The following PRDM10 variants were observed in gnomAD, a reference collection of about 807,000 sequenced individuals.
PRDM10 encodes the protein PR/SET domain 10.
A neutral mutation model predicts 133.1 loss-of-function variants in PRDM10; 65 were observed. The observed-to-expected ratio is 0.49, with a 90% CI of 0.40 to 0.60. The LOEUF (loss-of-function observed/expected upper bound fraction) is 0.60, where lower values mean the gene tolerates loss of function less well. Ranked by LOEUF, PRDM10 falls within the 20% of genes least tolerant of loss-of-function variation. The pLI is 0.00. For missense variants in PRDM10, 1,137 were observed against 1,507.1 expected (o/e 0.75, Z 4.07); for synonymous variants, 582 against 580.4 (o/e 1.00, Z -0.04).
At chr11:129,911,438 G>C (rs1267829013) in intron 18 of PRDM10, among the ~76,000 whole-genome samples, 1 of 152,192 alleles carries the variant, frequency 6.6e-6, no homozygotes, top group East Asian at 1.9e-4. Context: ...TGAGGCCAGC[G>C]CTCTCCAGCC....
intron 1 of PRDM10, among the ~76,000 whole-genome samples, chr11:129,963,153 A>T (rs1951828796): frequency 6.6e-6 from 1 of 152,054 alleles, no homozygotes; most frequent in South Asian, 2.1e-4. Context: ...TATCTCAAAA[A>T]AAAAAAAAAT....
chr11:129,944,223 T>G (rs899625868), intron 6 of PRDM10, among the ~76,000 whole-genome samples: 3 of 152,144 alleles, frequency 2.0e-5, no homozygotes, highest in African/African-American at 7.2e-5. Context: ...CCTCCCAGTC[T>G]GTGGTATTTT....
At position 129,963,174 on chromosome 11, in the gene PRDM10, A is replaced by C. The variant is rs529124131; in HGVS notation, c.-118-2092T>G. Among the ~76,000 whole-genome samples the C allele has an allele frequency of 1.4e-4, 22 of 152,022 alleles. No individual in the cohort carries two copies. In the South Asian group the frequency reaches 4.6e-3, roughly 32 times the overall value. ...AAAAAAAAAAAAAATGAAAGGAATA[A>C]ATGTCACCAATCATCTAAAGATCTG... is the stretch of plus-strand genomic sequence containing the variant. On this transcript the variant is annotated intron_variant, in intron 1 of 20. Coordinates refer to ENST00000360871, the MANE Select transcript of PRDM10 (RefSeq NM_199437.2).
chr11:129,942,705 G>A (rs550187386), intron 6 of PRDM10, 76 bp from the exon 7 acceptor site: 20 of 1,259,864 alleles, frequency 1.6e-5, no homozygotes, highest in South Asian at 2.7e-5. Context: ...GTCACAATAC[G>A]CAAAATATTG....
chr11:130,001,325 T>TGGAGGATGTG (rs1229243832), intron 1 of PRDM10, among the ~76,000 whole-genome samples: 5 of 152,184 alleles, frequency 3.3e-5, no homozygotes, highest in Non-Finnish European at 7.3e-5. Context: ...CTTCTTGCCT[T>TGGAGGATGTG]ACAGCGATGG....
chr11:129,995,792 A>C (rs1362528718), intron 1 of PRDM10, among the ~76,000 whole-genome samples: 1 of 152,098 alleles, frequency 6.6e-6, no homozygotes, highest in Non-Finnish European at 1.5e-5. Context: ...CTAAAAATAC[A>C]AAAATTAGCC....
Position 129,932,182 on chromosome 11 carries a change from G to C in PRDM10, c.1207C>G (p.Arg403Gly), listed in dbSNP as rs117004089. 8 of 1,614,006 alleles carry C rather than the reference G, an allele frequency of 5.0e-6. No homozygotes were observed. The East Asian group carries it at 1.8e-4, about 36-fold the overall frequency. Residue 403 changes from arginine (R) to glycine (G), a missense_variant, in exon 10 of 21, where the codon CGA becomes GGA. Transcript: ENST00000360871. ...AATTTTGGAGGACGCCCCGGCCGTCGACCTGGACCGAATCGCCTCTTGCCT... is the reference window on the plus strand; with the variant it reads ...AATTTTGGAGGACGCCCCGGCCGTCCACCTGGACCGAATCGCCTCTTGCCT... Reference protein sequence around the residue: ...GRGKRRFGPGRRPGRPPKFIR... With the variant: ...GRGKRRFGPGGRPGRPPKFIR...
chr11:129,990,998 A>C (rs895302366), intron 1 of PRDM10, among the ~76,000 whole-genome samples: 1 of 152,188 alleles, frequency 6.6e-6, no homozygotes, highest in African/African-American at 2.4e-5. Flanking sequence ...CCACCGTAGG[A>C]CTATGTTCAC....
At chr11:129,997,719 CT>C (rs1294538310) in intron 1 of PRDM10, among the ~76,000 whole-genome samples, 4 of 152,084 alleles carry the variant, frequency 2.6e-5, no homozygotes, top group African/African-American at 9.7e-5. Context: ...CTTAGCTCAA[CT>C]TTTTTTAATG....
intron 1 of PRDM10, among the ~76,000 whole-genome samples, chr11:129,976,383 C>A (rs1265555270): frequency 6.6e-6 from 1 of 152,146 alleles, no homozygotes; most frequent in Admixed American, 6.5e-5. Context: ...GGTACAGGAC[C>A]CATCAGAGGG....
intron 20 of PRDM10, among the ~76,000 whole-genome samples, chr11:129,904,155 T>C (rs1001621514): frequency 1.5e-4 from 16 of 107,410 alleles, no homozygotes; most frequent in African/African-American, 5.2e-4. Context: ...CTCAGTATAC[T>C]AAAAAAAAAA....
chr11:129,944,364 G>A (rs1484613181), intron 6 of PRDM10, among the ~76,000 whole-genome samples: 10 of 152,220 alleles, frequency 6.6e-5, no homozygotes, highest in African/African-American at 2.4e-4. Context: ...GGAGGCCAAG[G>A]CGGGCAGATC....
At chr11:129,920,235 G>A (rs115134382) in intron 13 of PRDM10, among the ~76,000 whole-genome samples, 90 of 152,180 alleles carry the variant, frequency 5.9e-4, no homozygotes, top group African/African-American at 1.9e-3. Context: ...TATGCACATC[G>A]TGACGGGCAC....
At chr11:129,926,784 T>C (rs1044614481) in intron 11 of PRDM10, among the ~76,000 whole-genome samples, 1 of 152,228 alleles carries the variant, frequency 6.6e-6, no homozygotes, top group Non-Finnish European at 1.5e-5. Flanking sequence ...TCCAGATCCC[T>C]TAATAAATTG....
intron 1 of PRDM10, among the ~76,000 whole-genome samples, chr11:129,961,880 AT>A (rs1951803699): frequency 6.6e-6 from 1 of 152,124 alleles, no homozygotes; most frequent in Admixed American, 6.5e-5. Context: ...CATTAAAAAT[AT>A]TAGTTCTAAT....
At chr11:129,980,483 G>A (rs1443255663) in intron 1 of PRDM10, among the ~76,000 whole-genome samples, 1 of 152,070 alleles carries the variant, frequency 6.6e-6, no homozygotes, top group Non-Finnish European at 1.5e-5. Flanking sequence ...GATGATCTGA[G>A]GCATTAGTTA....
intron 1 of PRDM10, among the ~76,000 whole-genome samples, chr11:129,972,651 G>A (rs1319951167): frequency 1.3e-5 from 2 of 152,196 alleles, no homozygotes; most frequent in African/African-American, 4.8e-5. Flanking sequence ...CCAGGTCACA[G>A]TGTGGCCACA....
At chr11:129,990,321 G>C (rs2135991328) in intron 1 of PRDM10, among the ~76,000 whole-genome samples, 1 of 151,468 alleles carries the variant, frequency 6.6e-6, no homozygotes, top group South Asian at 2.1e-4. Context: ...ACTCCAGCCT[G>C]GGTGACAGAG....
At chr11:129,973,144 C>T (rs1347165304) in intron 1 of PRDM10, among the ~76,000 whole-genome samples, 1 of 152,020 alleles carries the variant, frequency 6.6e-6, no homozygotes, top group Non-Finnish European at 1.5e-5. Context: ...ATAAAAGCTC[C>T]GAATAACAAC....
Sources: gnomAD v4.1 joint callset for allele counts (sites outside exome capture counted in the v4.1 genomes callset) on GRCh38, gnomAD v4.1.1 for gene constraint, MANE v1.5 for transcripts, NCBI Gene and HGNC (gene_info 2026-07-23, HGNC 2026-07-21) for gene names.